The following DLG2 variants were observed in gnomAD, a reference collection of about 807,000 sequenced individuals.
DLG2 encodes the protein disks large homolog 2.
A neutral mutation model predicts 132.5 loss-of-function variants in DLG2; 45 were observed. That is an observed-to-expected ratio of 0.34 (90% CI 0.27 to 0.44). DLG2 has a LOEUF of 0.44. DLG2 is among the 20% of genes least tolerant of loss of function. The pLI is 1.00. For missense variants in DLG2, 1,045 were observed against 1,196.9 expected, an observed-to-expected ratio of 0.87 and a Z score of 1.87; for synonymous variants, 424 against 419.6, an observed-to-expected ratio of 1.01 and a Z score of -0.13.
chr11:84,472,971 C>A (rs1406158871), intron 7 of DLG2, among the ~76,000 whole-genome samples: 3 of 152,020 alleles, frequency 2.0e-5, no homozygotes, highest in Admixed American at 6.6e-5. Context: ...TAAAATACTT[C>A]AAGTAAGCCA....
Position 84,590,101 on chromosome 11 carries a change from T to C in DLG2, c.358-55370A>G, listed in dbSNP as rs1400909575. On this transcript the variant is annotated intron_variant, in intron 6 of 27. Transcript: ENST00000376104. Reference sequence around the variant, plus strand: ...ATGTCAACTTGTATAATCAATGTCCTACCCTGTTGGAAGGGCAATAGTAAG... The same window carrying C: ...ATGTCAACTTGTATAATCAATGTCCCACCCTGTTGGAAGGGCAATAGTAAG... Among the ~76,000 whole-genome samples the C allele has an allele frequency of 2.0e-5, 3 of 152,224 alleles. 1 individual carries two copies. The South Asian group carries it at 6.2e-4, about 32-fold the overall frequency.
At chr11:84,287,459 A>G (rs1425963588) in intron 7 of DLG2, among the ~76,000 whole-genome samples, 2 of 152,086 alleles carry the variant, frequency 1.3e-5, no homozygotes, top group African/African-American at 4.8e-5. Flanking sequence ...TTTCTTTTCA[A>G]ACCATAGAAT....
chr11:85,474,028 T>A (rs2093064790), intron 3 of DLG2, among the ~76,000 whole-genome samples: 1 of 152,010 alleles, frequency 6.6e-6, no homozygotes, highest in Non-Finnish European at 1.5e-5. Context: ...ATATAGATAG[T>A]CATGTTGAAC....
chr11:84,386,434 C>T (rs956271013), intron 7 of DLG2, among the ~76,000 whole-genome samples: 20 of 152,004 alleles, frequency 1.3e-4, no homozygotes, highest in Admixed American at 9.2e-4. Flanking sequence ...TGACAGTCTT[C>T]CTCAACTCCA....
intron 7 of DLG2, among the ~76,000 whole-genome samples, chr11:84,418,022 CA>C (rs2098935832): frequency 6.6e-6 from 1 of 152,102 alleles, no homozygotes; most frequent in South Asian, 2.1e-4. Context: ...AGTTAAGAGC[CA>C]AACTCAATGT....
rs763082381 is a variant in DLG2, at chr11:83,930,499, G to A, written c.1341-16C>T. 3.1e-6 allele frequency: 5 copies of A among 1,612,460 alleles called. 1 individual carries two copies. The South Asian group carries it at 3.3e-5, about 11-fold the overall frequency. On this transcript the variant is annotated splice_polypyrimidine_tract_variant and intron_variant, in intron 14 of 27. Transcript: ENST00000376104. The stretch of plus-strand genomic sequence containing the variant: ...TTCCGGAGGCCTGGTGATACAAGAG[G>A]AAGAGAAAGATATGCATGGTTAGTA...
intron 3 of DLG2, among the ~76,000 whole-genome samples, chr11:85,395,543 C>T (rs534696686): frequency 6.6e-6 from 1 of 152,294 alleles, no homozygotes; most frequent in African/African-American, 2.4e-5. Flanking sequence ...AAACGGTACA[C>T]TCTGAGCCAA....
intron 10 of DLG2, among the ~76,000 whole-genome samples, chr11:84,097,584 T>C (rs1212591470): frequency 6.6e-6 from 1 of 152,188 alleles, no homozygotes; most frequent in Non-Finnish European, 1.5e-5. Context: ...GAATAAACTC[T>C]TCCTTACAGT....
At chr11:83,594,974 C>A (rs544700226) in intron 19 of DLG2, among the ~76,000 whole-genome samples, 38 of 152,248 alleles carry the variant, frequency 2.5e-4, no homozygotes, top group African/African-American at 8.9e-4. Flanking sequence ...GGCTTTATGT[C>A]ATGGTGGTAA....
At chr11:83,677,595 A>G (rs2077975447) in intron 18 of DLG2, among the ~76,000 whole-genome samples, 2 of 152,224 alleles carry the variant, frequency 1.3e-5, no homozygotes, top group African/African-American at 4.8e-5. Context: ...CACCTAGAAA[A>G]CTACTTTGTG....
chr11:85,133,677 A>G (rs376823344), intron 5 of DLG2, among the ~76,000 whole-genome samples: 1 of 152,326 alleles, frequency 6.6e-6, no homozygotes, highest in East Asian at 1.9e-4. Flanking sequence ...AGGAGGTTCT[A>G]AAGTGTTTAC....
chr11:85,430,816 G>A (rs756898720), intron 3 of DLG2, among the ~76,000 whole-genome samples: 8 of 146,684 alleles, frequency 5.5e-5, no homozygotes, highest in South Asian at 2.2e-4. Context: ...AATCATTGTC[G>A]TGAGTTTTTT....
At chr11:84,922,175 T>TAA (rs111271156) in intron 6 of DLG2, among the ~76,000 whole-genome samples, 5 of 141,032 alleles carry the variant, frequency 3.5e-5, no homozygotes, top group Admixed American at 1.4e-4. Flanking sequence ...ATATTGACTT[T>TAA]AAAAAAAAAA....
chr11:84,672,157 T>A (rs550233509), intron 6 of DLG2, among the ~76,000 whole-genome samples: 2 of 152,204 alleles, frequency 1.3e-5, no homozygotes, highest in African/African-American at 4.8e-5. Flanking sequence ...ACATAACTAA[T>A]AGTGTAAAAA....
In DLG2 at chr11:83,459,794, G is replaced by A. The variant is rs73518754; in HGVS notation, c.*24C>T. On this transcript the variant is annotated 3_prime_UTR_variant, in exon 28 of 28. Coordinates refer to ENST00000376104, the MANE Select transcript of DLG2 (RefSeq NM_001142699.3). ...TTGTTCTTCTAAATGCTCTTCTGTC[G>A]TTGTCAGAGGCGCAGTAGCTAATTT... 1,214 of 1,256,566 alleles carry A rather than the reference G, an allele frequency of 9.7e-4. 7 individuals are homozygous for A. The African/African-American group carries it at 0.015, about 15-fold the overall frequency. 77.8% of individuals were successfully genotyped at this position (1,256,566 alleles called of 1,614,324 possible).
chr11:84,308,433 C>G (rs1176419052), intron 7 of DLG2, among the ~76,000 whole-genome samples: 1 of 152,184 alleles, frequency 6.6e-6, no homozygotes, highest in Non-Finnish European at 1.5e-5. Flanking sequence ...AATCCCTTAG[C>G]TAGACATAAA....
At chr11:84,453,728 T>C (rs950817915) in intron 7 of DLG2, among the ~76,000 whole-genome samples, 1 of 151,676 alleles carries the variant, frequency 6.6e-6, no homozygotes, top group East Asian at 1.9e-4. Flanking sequence ...AGAAATGAAG[T>C]ACCTTGTTGG....
intron 8 of DLG2, among the ~76,000 whole-genome samples, chr11:84,228,652 C>T (rs1458315570): frequency 6.6e-6 from 1 of 152,122 alleles, no homozygotes; most frequent in Non-Finnish European, 1.5e-5. Flanking sequence ...ATCATTTTAA[C>T]AAAGCATAAT....
At chr11:84,816,577 G>A (rs968840600) in intron 6 of DLG2, among the ~76,000 whole-genome samples, 1 of 151,820 alleles carries the variant, frequency 6.6e-6, no homozygotes, top group African/African-American at 2.4e-5. Flanking sequence ...GCAAGAATCT[G>A]TACTATGTAC....
Sources: gnomAD v4.1 joint callset for allele counts (sites outside exome capture counted in the v4.1 genomes callset) on GRCh38, gnomAD v4.1.1 for gene constraint, MANE v1.5 for transcripts, NCBI Gene and HGNC (gene_info 2026-07-23, HGNC 2026-07-21) for gene names.